Variants in ENOX1 observed in about 807,000 individuals in gnomAD.
The protein encoded by ENOX1 is ecto-NOX disulfide-thiol exchanger 1, also known as candidate growth-related and time keeping constitutive hydroquinone (NADH) oxidase.
Under a neutral mutation model 82.5 loss-of-function variants are expected in ENOX1, and 42 were observed. The ratio of observed to expected loss-of-function variants is 0.51; its 90% confidence interval spans 0.40 to 0.66. The LOEUF (loss-of-function observed/expected upper bound fraction) is 0.66. Among genes scored for constraint, ENOX1 ranks in the 30% least tolerant of loss-of-function variants. The probability of loss-of-function intolerance (pLI) is 0.00; values close to 1 mark genes in which losing one functional copy is unlikely to be tolerated. For synonymous variants in ENOX1, 271 were observed against 282.2 expected (o/e 0.96, Z 0.40); for missense variants, 608 against 811.6 (o/e 0.75, Z 3.05).
chr13:43,418,038 G>A (rs1594474124), intron 3 of ENOX1, among the ~76,000 whole-genome samples: 1 of 151,608 alleles, frequency 6.6e-6, no homozygotes, highest in African/African-American at 2.4e-5. Context: ...GTGAAACCCT[G>A]TCTCTACTAA....
At chr13:43,328,312 G>A (rs2048231233) in intron 9 of ENOX1, among the ~76,000 whole-genome samples, 1 of 152,196 alleles carries the variant, frequency 6.6e-6, no homozygotes, top group African/African-American at 2.4e-5. Context: ...TTCTGTAGGG[G>A]CAACACAGAA....
chr13:43,626,894 C>G (rs2082988262), intron 2 of ENOX1, among the ~76,000 whole-genome samples: 1 of 151,896 alleles, frequency 6.6e-6, no homozygotes, highest in East Asian at 1.9e-4. Context: ...GTGTTGAACT[C>G]TCCACATATA....
chr13:43,248,863 A>C (rs2043289424), intron 14 of ENOX1, among the ~76,000 whole-genome samples: 1 of 152,162 alleles, frequency 6.6e-6, no homozygotes, highest in African/African-American at 2.4e-5. Context: ...GTGTTTGCAT[A>C]TACACATACA....
At chr13:43,572,740 A>T (rs907738915) in intron 2 of ENOX1, among the ~76,000 whole-genome samples, 16 of 152,180 alleles carry the variant, frequency 1.1e-4, no homozygotes, top group Admixed American at 2.0e-4. Context: ...ATCAGTTGCT[A>T]TGTGTTCCAT....
chr13:43,452,867 G>A (rs562097835), intron 3 of ENOX1, among the ~76,000 whole-genome samples: 3 of 152,270 alleles, frequency 2.0e-5, no homozygotes, highest in Non-Finnish European at 2.9e-5. Context: ...TTGTTTGCAT[G>A]TATCATAATA....
At chr13:43,555,131 C>A (rs190597183) in intron 2 of ENOX1, among the ~76,000 whole-genome samples, 1 of 151,868 alleles carries the variant, frequency 6.6e-6, no homozygotes, top group African/African-American at 2.4e-5. Context: ...AAATTGGGAA[C>A]AACTTGCAAA....
At chr13:43,716,121 G>A (rs1224250516) in intron 1 of ENOX1, among the ~76,000 whole-genome samples, 3 of 152,228 alleles carry the variant, frequency 2.0e-5, no homozygotes, top group Non-Finnish European at 4.4e-5. Context: ...TTCCTTTGAA[G>A]GAGGAGAGGC....
At chr13:43,717,822 A>C (rs1324458724) in intron 1 of ENOX1, among the ~76,000 whole-genome samples, 1 of 152,214 alleles carries the variant, frequency 6.6e-6, no homozygotes, top group African/African-American at 2.4e-5. Context: ...ATGCAAATCA[A>C]AACTACAGTG....
chr13:43,461,498 T>C (rs560583528), intron 3 of ENOX1, among the ~76,000 whole-genome samples: 1 of 152,354 alleles, frequency 6.6e-6, no homozygotes, highest in Non-Finnish European at 1.5e-5. Flanking sequence ...TGGGGTATAA[T>C]GATTTAAATT....
At chr13:43,731,732 T>G (rs2089361942) in intron 1 of ENOX1, among the ~76,000 whole-genome samples, 1 of 152,228 alleles carries the variant, frequency 6.6e-6, no homozygotes, top group South Asian at 2.1e-4. Context: ...ACTGTCTAAC[T>G]GGCTTAAAGC....
intron 2 of ENOX1, among the ~76,000 whole-genome samples, chr13:43,485,847 G>A (rs1472608158): frequency 2.6e-5 from 4 of 152,200 alleles, no homozygotes; most frequent in Admixed American, 6.5e-5. Context: ...AGGCCAAGGC[G>A]GGCAGATCAC....
chr13:43,623,524 C>T (rs2082835437), intron 2 of ENOX1, among the ~76,000 whole-genome samples: 1 of 152,162 alleles, frequency 6.6e-6, no homozygotes, highest in Admixed American at 6.5e-5. Flanking sequence ...TTCAGCTTCT[C>T]CAGTGGGAGT....
At chr13:43,613,419 C>T (rs929779212) in intron 2 of ENOX1, among the ~76,000 whole-genome samples, 2 of 152,104 alleles carry the variant, frequency 1.3e-5, no homozygotes, top group Admixed American at 6.6e-5. Context: ...GAACTGTACA[C>T]TTTAAATGAG....
At position 43,690,528 on chromosome 13, in the gene ENOX1, G is replaced by A. The variant is rs1054829894; in HGVS notation, c.-284-22984C>T. 2.6e-5 allele frequency among the ~76,000 whole-genome samples: 4 copies of A among 151,930 alleles called. 1 individual carries two copies. The South Asian group carries it at 6.2e-4, about 24-fold the overall frequency. Reference sequence around the variant, plus strand: ...TATGCATTTTACTCTTCCTTTACTCGTCTTCACATTGTAACTCATATCAGG... The same window carrying A: ...TATGCATTTTACTCTTCCTTTACTCATCTTCACATTGTAACTCATATCAGG... On this transcript the variant is annotated intron_variant, in intron 1 of 16. Transcript: ENST00000690772.
chr13:43,443,823 G>GA (rs1425570955), intron 3 of ENOX1, among the ~76,000 whole-genome samples: 1 of 152,094 alleles, frequency 6.6e-6, no homozygotes, highest in Non-Finnish European at 1.5e-5. Flanking sequence ...TCCAAGTGAA[G>GA]AAAAAACAAT....
intron 1 of ENOX1, among the ~76,000 whole-genome samples, chr13:43,698,125 C>CA (rs945758713): frequency 9.2e-5 from 14 of 151,596 alleles, no homozygotes; most frequent in East Asian, 5.8e-4. Context: ...GGAGTGGACT[C>CA]AAAAAAAATG....
intron 2 of ENOX1, among the ~76,000 whole-genome samples, chr13:43,564,558 C>T (rs970600278): frequency 1.3e-5 from 2 of 152,044 alleles, no homozygotes; most frequent in African/African-American, 4.8e-5. Flanking sequence ...AAACACTTAC[C>T]TCAGGGACAA....
At chr13:43,577,428 G>A (rs564451369) in intron 2 of ENOX1, among the ~76,000 whole-genome samples, 86 of 152,208 alleles carry the variant, frequency 5.7e-4, no homozygotes, top group Non-Finnish European at 1.1e-3. Context: ...CACCATGCCC[G>A]GCCTCAATAT....
intron 5 of ENOX1, among the ~76,000 whole-genome samples, chr13:43,396,844 A>C (rs2053184481): frequency 6.6e-6 from 1 of 152,222 alleles, no homozygotes; most frequent in Non-Finnish European, 1.5e-5. Flanking sequence ...AAGTCTTAGA[A>C]AGTCAGAGCT....
Sources: gnomAD v4.1 joint callset for allele counts (sites outside exome capture counted in the v4.1 genomes callset) on GRCh38, gnomAD v4.1.1 for gene constraint, MANE v1.5 for transcripts, NCBI Gene and HGNC (gene_info 2026-07-23, HGNC 2026-07-21) for gene names.